The following KLK2 variants were observed in gnomAD, a reference collection of about 807,000 sequenced individuals.
KLK2 encodes kallikrein-2.
In KLK2, 17 loss-of-function variants were observed where a neutral mutation model predicts 23.0. The ratio of observed to expected loss-of-function variants is 0.74; its 90% CI spans 0.51 to 1.11. The LOEUF is 1.11. Among genes scored for constraint, KLK2 ranks in the 50% least tolerant of loss-of-function variants. The pLI is 0.00. For missense variants in KLK2, 330 were observed against 325.9 expected (o/e 1.01, Z -0.10); for synonymous variants, 140 against 124.7 (o/e 1.12, Z -0.82).
rs574297716 is a variant in KLK2 at position 50,875,004 on chromosome 19, G to A, written c.206+124G>A. The stretch of plus-strand genomic sequence containing the variant: ...ACTAAAGGAGAGAGGGAAGGTCCTG[G>A]CCCAGGTCGCACCCGGAGGCAGAGC... On this transcript the variant is annotated intron_variant, in intron 2 of 4. Transcript: ENST00000325321. The A allele has an allele frequency of 3.5e-5, 50 of 1,414,382 alleles. No individual in the cohort carries two copies. The African/African-American group carries it at 6.9e-4, about 20-fold the overall frequency. The allele number at this position is 1,414,382 out of a possible 1,614,324, so 87.6% of individuals were successfully genotyped here.
chr19:50,877,051 T>A (rs1455177545), intron 4 of KLK2, 43 bp downstream of exon 4: 1 of 1,613,444 alleles, frequency 6.2e-7, no homozygotes, highest in Admixed American at 1.7e-5. Flanking sequence ...GAAAGGTGAG[T>A]GAAGACCCTA....
At chr19:50,873,565 T>C (rs1251870845) in intron 1 of KLK2, 46 bp downstream of exon 1, 4 of 1,389,376 alleles carry the variant, frequency 2.9e-6, no homozygotes, top group Admixed American at 1.9e-5. Context: ...CTGACTCTTA[T>C]GCTGAAGCCC....
chr19:50,879,180 A>G lies in KLK2; in HGVS notation c.*621A>G, dbSNP rs74431145. The G allele has an allele frequency of 2.1e-3, 488 of 233,048 alleles. 1 individual carries two copies. The highest frequency in any genetic ancestry group is 8.8e-3 in the African/African-American group (400 of 45,450). The allele number at this position is 233,048 out of a possible 1,614,324, so 14.4% of individuals were successfully genotyped here. A position where few individuals can be genotyped will look rare whatever the true frequency, so the allele number is the denominator to read the frequency against. ...TTCAGGTCCCCCAAACCACCGTCAG[A>G]TTTGATGATTTCCTAGCAGGACTTA... On this transcript the variant is annotated 3_prime_UTR_variant, in exon 5 of 5. Transcript: ENST00000325321.
Position 50,878,605 on chromosome 19 carries a change from AC to A in KLK2, c.*47del. 1 of 1,569,706 alleles carries A rather than the reference AC, an allele frequency of 6.4e-7. No individual in the cohort carries two copies. ...CCTCTAGTAAATTTAAGTCCACCTCACGTTCTGGCATCACTTGGCCTTTCTG... is the reference window on the plus strand; with the variant it reads ...CCTCTAGTAAATTTAAGTCCACCTCAGTTCTGGCATCACTTGGCCTTTCTG... On this transcript the variant is annotated 3_prime_UTR_variant, in exon 5 of 5. Coordinates refer to ENST00000325321, the MANE Select transcript of KLK2 (RefSeq NM_005551.5).
At position 50,879,978 on chromosome 19, in the gene KLK2, G is replaced by A. The variant is rs2090327772; in HGVS notation, c.*1419G>A. ...GAAGCCCCCCTGGGGATTTGGTTTG[G>A]TCTTGTGATCAGGTGGTCTATGGGG... is the stretch of plus-strand genomic sequence containing the variant. On this transcript the variant is annotated 3_prime_UTR_variant, in exon 5 of 5. Transcript: ENST00000325321. The A allele has an allele frequency of 4.3e-6, 1 of 230,102 alleles. No homozygotes were observed. The highest frequency in any genetic ancestry group is 5.7e-5 in the Admixed American group (1 of 17,678). The allele number at this position is 230,102 out of a possible 1,614,324, so 14.3% of individuals were successfully genotyped here.
intron 2 of KLK2, 55 bp downstream of exon 2, chr19:50,874,935 A>G (rs756150058): frequency 1.9e-6 from 3 of 1,575,068 alleles, no homozygotes; most frequent in Non-Finnish European, 8.6e-7. Context: ...CAGGAATAAC[A>G]GCGGGATGCT....
intron 2 of KLK2, chr19:50,876,258 T>A: frequency 1.7e-6 from 1 of 588,258 alleles, no homozygotes; most frequent in Admixed American, 3.0e-5. Context: ...TCTTTTCCAC[T>A]TCGTTTCTTT....
chr19:50,876,713 A>T lies in KLK2; in HGVS notation c.448A>T (p.Thr150Ser). The T allele has an allele frequency of 1.2e-6, 2 of 1,614,122 alleles. No homozygotes were observed. The change falls in exon 3 of 5, where the codon ACC becomes TCC. Residue 150 changes from threonine (T) to serine (S), a missense_variant. Coordinates refer to ENST00000325321, the MANE Select transcript of KLK2 (RefSeq NM_005551.5). Reference protein sequence around the residue: ...GLPTQEPALGTTCYASGWGSI... With the variant: ...GLPTQEPALGSTCYASGWGSI... ...GCCCACCCAGGAGCCAGCACTGGGGACCACCTGCTACGCCTCAGGCTGGGG... is the reference window on the plus strand; with the variant it reads ...GCCCACCCAGGAGCCAGCACTGGGGTCCACCTGCTACGCCTCAGGCTGGGG...
intron 4 of KLK2, chr19:50,877,312 T>G: frequency 6.9e-6 from 3 of 431,778 alleles, no homozygotes; most frequent in African/African-American, 2.0e-5. Flanking sequence ...GAGCAGCCTC[T>G]CCCTCCTGCA....
At chr19:50,875,173 CTG>C (rs2123477928) in intron 2 of KLK2, 1 of 274,254 alleles carries the variant, frequency 3.6e-6, no homozygotes, top group South Asian at 7.8e-5. Context: ...CTCCCTGTGT[CTG>C]TGTCTCCCCC....
rs1037079093 is a variant in KLK2, at chr19:50,875,120, G to T, written c.206+240G>T. The T allele has an allele frequency of 6.7e-6, 4 of 599,762 alleles. No homozygotes were observed. In the African/African-American group the frequency reaches 7.6e-5, roughly 11 times the overall value. The allele number at this position is 599,762 out of a possible 1,614,324, so 37.2% of individuals were successfully genotyped here. ...TTGGTATCTGGCTCTGGTTGTGTCT[G>T]TATGACTGTGTTTTGGTCTCTATGT... On this transcript the variant is annotated intron_variant, in intron 2 of 4. Coordinates refer to ENST00000325321, the MANE Select transcript of KLK2 (RefSeq NM_005551.5).
intron 4 of KLK2, 166 bp downstream of exon 4, chr19:50,877,174 T>C: frequency 1.3e-6 from 1 of 786,596 alleles, no homozygotes; most frequent in Non-Finnish European, 2.1e-6. Context: ...CTTCCCTGAC[T>C]CCCTCAACAC....
rs1374662995 is a variant in KLK2, at chr19:50,874,728, G to T, written c.54G>T (p.Val18=). ...CCAGCACCCCCTCCGCAGGTGCCGT[G>T]CCCCTCATCCAGTCTCGGATTGTGG... The part of the protein sequence containing the change: ...IALSVGCTGA[V]PLIQSRIVGG... Residue 18 remains valine, a synonymous_variant, in exon 2 of 5, where the codon GTG becomes GTT. Transcript: ENST00000325321. 2 of 1,610,592 alleles carry T rather than the reference G, an allele frequency of 1.2e-6. No homozygotes were observed. The highest frequency in any genetic ancestry group is 1.7e-6 in the Non-Finnish European group (2 of 1,178,726).
intron 2 of KLK2, 21 bp downstream of exon 2, chr19:50,874,901 T>C (rs762318195): frequency 6.2e-7 from 1 of 1,610,006 alleles, no homozygotes. Context: ...CCCTGGGATC[T>C]GGGGAGGGAA....
rs2123480797 is a variant in KLK2, at chr19:50,876,511, G to A, written c.246G>A (p.Glu82=). 1 of 1,614,042 alleles carries A rather than the reference G, an allele frequency of 6.2e-7. No individual in the cohort carries two copies. The highest frequency in any genetic ancestry group is 1.6e-4 in the Middle Eastern group (1 of 6,062). The change falls in exon 3 of 5, where the codon GAG becomes GAA. Residue 82 remains glutamate, a synonymous_variant. Transcript: ENST00000325321. ...QVWLGRHNLF[E]PEDTGQRVPV... is the part of the protein sequence containing the mutation. ...GGCTGGGTCGGCACAACCTGTTTGA[G>A]CCTGAAGACACAGGCCAGAGGGTCC...
chr19:50,874,448 A>T (rs747040311), intron 1 of KLK2: 4 of 312,606 alleles, frequency 1.3e-5, no homozygotes, highest in Non-Finnish European at 2.3e-5. Context: ...CCCCAACCCG[A>T]TGCCTGCTTC....
At position 50,880,061 on chromosome 19, in the gene KLK2, C is replaced by T. The variant is rs1184324262; in HGVS notation, c.*1502C>T. On this transcript the variant is annotated 3_prime_UTR_variant, in exon 5 of 5. Coordinates refer to ENST00000325321, the MANE Select transcript of KLK2 (RefSeq NM_005551.5). ...GCACATTGAGGAATGATACTGAGCC[C>T]AAAGAGCATTCAATCATTGTTTTAT... 1 of 229,346 alleles carries T rather than the reference C, an allele frequency of 4.4e-6. No homozygotes were observed. The highest frequency in any genetic ancestry group is 8.6e-6 in the Non-Finnish European group (1 of 115,774). 14.2% of individuals were successfully genotyped at this position (229,346 alleles called of 1,614,324 possible).
intron 1 of KLK2, 142 bp downstream of exon 1, chr19:50,873,661 A>G (rs1338520621): frequency 1.3e-5 from 8 of 617,056 alleles, no homozygotes; most frequent in East Asian, 5.8e-5. Flanking sequence ...CCACATTGCA[A>G]TAGTCCTCAT....
Position 50,879,090 on chromosome 19 carries a change from C to G in KLK2, c.*531C>G. The G allele has an allele frequency of 4.3e-6, 1 of 233,332 alleles. No individual in the cohort carries two copies. The highest frequency in any genetic ancestry group is 8.5e-6 in the Non-Finnish European group (1 of 118,138). The allele number at this position is 233,332 out of a possible 1,614,324, so 14.5% of individuals were successfully genotyped here. On this transcript the variant is annotated 3_prime_UTR_variant, in exon 5 of 5. Transcript: ENST00000325321. ...CGTGAGCAGAAAGAAGGGGAGGATCCTCCTATGTTGTTGAAGGAGGGACTA... is the reference window on the plus strand; with the variant it reads ...CGTGAGCAGAAAGAAGGGGAGGATCGTCCTATGTTGTTGAAGGAGGGACTA...
Sources: gnomAD v4.1 joint callset for allele counts on GRCh38, gnomAD v4.1.1 for gene constraint, MANE v1.5 for transcripts, NCBI Gene and HGNC (gene_info 2026-07-23, HGNC 2026-07-21) for gene names.